LRRTM4: variants seen among roughly 807,000 people sequenced by gnomAD.
LRRTM4 encodes leucine-rich repeat transmembrane neuronal protein 4.
A neutral mutation model predicts 47.6 loss-of-function variants in LRRTM4; 25 were observed. The observed-to-expected ratio is 0.53, with a 90% CI of 0.38 to 0.73. The LOEUF is 0.73. Among genes scored for constraint, LRRTM4 ranks in the 30% least tolerant of loss-of-function variants. The pLI, the probability that LRRTM4 is intolerant of heterozygous loss-of-function variation, is 0.00. For missense variants in LRRTM4, 638 were observed against 713.4 expected, an observed-to-expected ratio of 0.89 and a Z score of 1.20; for synonymous variants, 311 against 269.5, an observed-to-expected ratio of 1.15 and a Z score of -1.51.
At chr2:77,208,611 C>CAT (rs1674207126) in intron 3 of LRRTM4, among the ~76,000 whole-genome samples, 1 of 151,858 alleles carries the variant, frequency 6.6e-6, no homozygotes, top group African/African-American at 2.4e-5. Flanking sequence ...TGAAGTCACA[C>CAT]ATATATATGA....
rs538769969 is a variant in LRRTM4, at chr2:76,858,193, C to T, written c.1552-109277G>A. Among the ~76,000 whole-genome samples, 165 of 152,168 alleles carry T rather than the reference C, an allele frequency of 1.1e-3. 1 individual carries two copies. Among genetic ancestry groups the T allele is most frequent in the African/African-American group, 3.7e-3 (155 of 41,522 alleles). Reference sequence around the variant, plus strand: ...ATAGGGTGTTTTTGGATGAGAATAACAATTCAATCTGTAAACAGAGTAAAG... The same window carrying T: ...ATAGGGTGTTTTTGGATGAGAATAATAATTCAATCTGTAAACAGAGTAAAG... On this transcript the variant is annotated intron_variant, in intron 3 of 3. Transcript: ENST00000409884.
chr2:77,157,980 C>T (rs1672606482), intron 3 of LRRTM4, among the ~76,000 whole-genome samples: 2 of 152,086 alleles, frequency 1.3e-5, no homozygotes, highest in South Asian at 2.1e-4. Flanking sequence ...AATTAAAAAA[C>T]ATTCAAAAGG....
intron 3 of LRRTM4, among the ~76,000 whole-genome samples, chr2:77,078,240 A>T (rs895048009): frequency 6.6e-6 from 1 of 152,188 alleles, no homozygotes; most frequent in African/African-American, 2.4e-5. Context: ...TCTAACAATA[A>T]CTGGCAATGT....
chr2:77,212,958 T>A (rs1265728462), intron 3 of LRRTM4, among the ~76,000 whole-genome samples: 1 of 152,124 alleles, frequency 6.6e-6, no homozygotes, highest in Non-Finnish European at 1.5e-5. Context: ...CATAATGAAC[T>A]TCACTGTACT....
chr2:77,402,848 C>A (rs1674013882), intron 3 of LRRTM4, among the ~76,000 whole-genome samples: 1 of 151,934 alleles, frequency 6.6e-6, no homozygotes, highest in South Asian at 2.1e-4. Context: ...CTAGAATTTT[C>A]TAAAATTCTT....
intron 3 of LRRTM4, among the ~76,000 whole-genome samples, chr2:76,796,285 C>CT (rs749472924): frequency 7.8e-6 from 1 of 127,540 alleles, no homozygotes; most frequent in African/African-American, 3.1e-5. Context: ...AACAAAGCAG[C>CT]CAGGAAGCTC....
At chr2:76,859,978 C>T (rs1311189327) in intron 3 of LRRTM4, among the ~76,000 whole-genome samples, 1 of 152,082 alleles carries the variant, frequency 6.6e-6, no homozygotes, top group Admixed American at 6.6e-5. Context: ...TATGTTGCAT[C>T]AAAAGTACCA....
chr2:77,189,102 A>G (rs1486256878), intron 3 of LRRTM4, among the ~76,000 whole-genome samples: 1 of 150,184 alleles, frequency 6.7e-6, no homozygotes, highest in Non-Finnish European at 1.5e-5. Context: ...TAGCAAACAA[A>G]TTTCAAATAA....
At chr2:76,804,879 C>T (rs928422082) in intron 3 of LRRTM4, among the ~76,000 whole-genome samples, 15 of 150,988 alleles carry the variant, frequency 9.9e-5, no homozygotes, top group Non-Finnish European at 2.1e-4. Context: ...TAAAGCCTGC[C>T]ACAAGATAAT....
chr2:77,067,871 G>A (rs1263470659), intron 3 of LRRTM4, among the ~76,000 whole-genome samples: 1 of 151,910 alleles, frequency 6.6e-6, no homozygotes, highest in East Asian at 1.9e-4. Flanking sequence ...ACATACAATT[G>A]TGAATATAAA....
chr2:76,892,963 C>T (rs1309311119), intron 3 of LRRTM4, among the ~76,000 whole-genome samples: 2 of 150,364 alleles, frequency 1.3e-5, no homozygotes, highest in Non-Finnish European at 3.0e-5. Flanking sequence ...AGTCAAAATC[C>T]CAAAGTGTGA....
intron 3 of LRRTM4, among the ~76,000 whole-genome samples, chr2:77,109,589 G>A (rs556843931): frequency 1.4e-3 from 209 of 152,004 alleles, no homozygotes; most frequent in Non-Finnish European, 2.3e-3. Context: ...TTTTGTGTGG[G>A]AGACACATTC....
rs575558060 is a variant in LRRTM4, at chr2:77,438,896, T to A, written c.1551+79422A>T. On this transcript the variant is annotated intron_variant, in intron 3 of 3. Transcript: ENST00000409884. The stretch of plus-strand genomic sequence containing the variant: ...TAGTGTGGATACAATCTCAAAACTT[T>A]CTGTAAAGCATCAGATATTAGACCT... Among the ~76,000 whole-genome samples the A allele has an allele frequency of 8.5e-5, 13 of 152,300 alleles. No individual in the cohort carries two copies. The East Asian group carries it at 2.3e-3, about 27-fold the overall frequency.
intron 3 of LRRTM4, among the ~76,000 whole-genome samples, chr2:76,824,399 TCTC>T (rs1363096136): frequency 2.0e-5 from 3 of 151,606 alleles, no homozygotes; most frequent in Non-Finnish European, 3.0e-5. Context: ...ATAAATATGT[TCTC>T]CTTCAGGTGT....
intron 3 of LRRTM4, among the ~76,000 whole-genome samples, chr2:77,300,867 C>T (rs1189362115): frequency 6.6e-6 from 1 of 152,036 alleles, no homozygotes; most frequent in Non-Finnish European, 1.5e-5. Context: ...AATTCCAATA[C>T]ATACTAAGTA....
In LRRTM4 at chr2:77,403,348, T is replaced by C. The variant is rs1450319601; in HGVS notation, c.1551+114970A>G. Among the ~76,000 whole-genome samples the C allele has an allele frequency of 5.3e-5, 8 of 151,970 alleles. No individual in the cohort carries two copies. In the East Asian group the frequency reaches 1.6e-3, roughly 30 times the overall value. Reference sequence around the variant, plus strand: ...AATTTTATGTCATGTCTTTTTCATATGATGGGAACTTCTTTGAGGCCAGGA... The same window carrying C: ...AATTTTATGTCATGTCTTTTTCATACGATGGGAACTTCTTTGAGGCCAGGA... On this transcript the variant is annotated intron_variant, in intron 3 of 3. Coordinates refer to ENST00000409884, the MANE Select transcript of LRRTM4 (RefSeq NM_001134745.3).
At chr2:76,835,094 C>A (rs1671471665) in intron 3 of LRRTM4, among the ~76,000 whole-genome samples, 1 of 152,024 alleles carries the variant, frequency 6.6e-6, no homozygotes, top group African/African-American at 2.4e-5. Flanking sequence ...CTAATTTATT[C>A]TTTGTGCATG....
rs180969104 is a variant in LRRTM4 at position 76,847,707 on chromosome 2, T to C, written c.1552-98791A>G. 1.7e-3 allele frequency among the ~76,000 whole-genome samples: 262 copies of C among 150,196 alleles called. 1 individual carries two copies. The highest frequency in any genetic ancestry group is 2.6e-3 in the Non-Finnish European group (178 of 67,946). ...CCATTACTTATTTGTAAACATTCCA[T>C]AGACACTCACTTTTATTTTACCTTT... On this transcript the variant is annotated intron_variant, in intron 3 of 3. Coordinates refer to ENST00000409884, the MANE Select transcript of LRRTM4 (RefSeq NM_001134745.3).
chr2:77,038,279 A>C (rs1678902794), intron 3 of LRRTM4, among the ~76,000 whole-genome samples: 1 of 151,578 alleles, frequency 6.6e-6, no homozygotes, highest in Non-Finnish European at 1.5e-5. Context: ...TCAGCATTTG[A>C]AATTTGCCTA....
Sources: allele counts gnomAD v4.1 joint callset (sites outside exome capture counted in the v4.1 genomes callset), GRCh38; gene constraint gnomAD v4.1.1; transcripts MANE v1.5; gene names NCBI Gene and HGNC (gene_info 2026-07-23, HGNC 2026-07-21).